The following IGSF9B variants were observed in gnomAD, a reference collection of about 807,000 sequenced individuals.
IGSF9B encodes protein turtle homolog B.
In IGSF9B, 48 loss-of-function variants were observed where a neutral mutation model predicts 143.7. The observed-to-expected ratio is 0.33, with a 90% CI of 0.26 to 0.42. IGSF9B has a LOEUF of 0.42. IGSF9B is among the 20% of genes least tolerant of loss of function. IGSF9B has a pLI of 1.00. For missense variants in IGSF9B, 1,706 were observed against 1,980.0 expected, an observed-to-expected ratio of 0.86 and a Z score of 2.63; for synonymous variants, 903 against 833.1, an observed-to-expected ratio of 1.08 and a Z score of -1.44.
chr11:133,946,927 C>A (rs1252962420), intron 1 of IGSF9B, among the ~76,000 whole-genome samples: 1 of 152,174 alleles, frequency 6.6e-6, no homozygotes, highest in African/African-American at 2.4e-5. Flanking sequence ...CTCCTCCCAG[C>A]ACAGTTCTGC....
rs185229187 is a variant in IGSF9B, at chr11:133,940,955, G to C, written c.410-2994C>G. 1.1e-3 allele frequency among the ~76,000 whole-genome samples: 168 copies of C among 152,146 alleles called. 2 individuals carry two copies. The highest frequency in any genetic ancestry group is 2.9e-3 in the South Asian group (14 of 4,814). On this transcript the variant is annotated intron_variant, in intron 3 of 19. Coordinates refer to ENST00000533871, the MANE Select transcript of IGSF9B (RefSeq NM_001277285.4). ...TCTCCGACACAGCCCCTGCCTGCCCGGCCTGCCCCTTGAAATACAGTGAAC... is the reference window on the plus strand; with the variant it reads ...TCTCCGACACAGCCCCTGCCTGCCCCGCCTGCCCCTTGAAATACAGTGAAC...
At position 133,937,969 on chromosome 11, in the gene IGSF9B, G is replaced by A. The variant is rs752433927; in HGVS notation, c.410-8C>T. Reference sequence around the variant, plus strand: ...CTGTAAAGGTGGGAGGGGCTGCAAAGGAGACCACAAAGATGAAGGACACGC... The same window carrying A: ...CTGTAAAGGTGGGAGGGGCTGCAAAAGAGACCACAAAGATGAAGGACACGC... On this transcript the variant is annotated splice_polypyrimidine_tract_variant and splice_region_variant and intron_variant, in intron 3 of 19. Transcript: ENST00000533871. The A allele has an allele frequency of 6.2e-7, 1 of 1,612,954 alleles. No individual in the cohort carries two copies. The highest frequency in any genetic ancestry group is 8.5e-7 in the Non-Finnish European group (1 of 1,179,442).
rs1004902494 is a variant in IGSF9B at position 133,896,639 on chromosome 11, T to G, written c.*12430A>C. ...TTGCTTATGCACGTGTTTGCTCATT[T>G]TGATTTGTAATTCAGGATATGAACA... is the stretch of plus-strand genomic sequence containing the variant. On this transcript the variant is annotated 3_prime_UTR_variant, in exon 20 of 20. Coordinates refer to ENST00000533871, the MANE Select transcript of IGSF9B (RefSeq NM_001277285.4). The G allele has an allele frequency of 6.6e-6, 1 of 152,228 alleles. No homozygotes were observed. Among genetic ancestry groups the G allele is most frequent in the African/African-American group, 2.4e-5 (1 of 41,454 alleles). 9.4% of individuals were successfully genotyped at this position (152,228 alleles called of 1,614,324 possible).
chr11:133,911,116 G>A (rs538920666), intron 19 of IGSF9B, among the ~76,000 whole-genome samples: 1 of 152,320 alleles, frequency 6.6e-6, no homozygotes, highest in East Asian at 1.9e-4. Flanking sequence ...GCTCTGCAAA[G>A]CAACTGTTCA....
At chr11:133,949,701 A>G (rs944403397) in intron 1 of IGSF9B, among the ~76,000 whole-genome samples, 3 of 147,792 alleles carry the variant, frequency 2.0e-5, no homozygotes, top group African/African-American at 7.5e-5. Flanking sequence ...GTGGGGGCAG[A>G]TGGAGACTGG....
intron 1 of IGSF9B, among the ~76,000 whole-genome samples, chr11:133,947,800 C>T (rs1209865675): frequency 2.0e-5 from 3 of 151,552 alleles, no homozygotes; most frequent in Admixed American, 6.6e-5. Context: ...GTCTGTCTGT[C>T]TCTCTCTAGC....
chr11:133,929,542 G>C (rs1292886982), intron 12 of IGSF9B, 129 bp downstream of exon 12: 2 of 670,110 alleles, frequency 3.0e-6, no homozygotes, highest in Non-Finnish European at 5.4e-6. Flanking sequence ...ACCTCAGTCT[G>C]TGCAGGGCTG....
intron 1 of IGSF9B, chr11:133,951,967 C>A (rs551934383): frequency 4.5e-6 from 2 of 443,838 alleles, no homozygotes; most frequent in Admixed American, 2.4e-5. Context: ...AAGTCACAGG[C>A]CCCCGCTCCA....
rs1939241249 is a variant in IGSF9B, at chr11:133,908,241, T to C, written c.*828A>G. Among the ~76,000 whole-genome samples the C allele has an allele frequency of 6.6e-6, 1 of 152,166 alleles. No homozygotes were observed. The highest frequency in any genetic ancestry group is 1.5e-5 in the Non-Finnish European group (1 of 68,030). ...TGAGCCACGCTGGAAGGAAGAAAGA[T>C]GCAGGTCTAGGAGCCTGGCCACCCC... On this transcript the variant is annotated 3_prime_UTR_variant, in exon 20 of 20. Coordinates refer to ENST00000533871, the MANE Select transcript of IGSF9B (RefSeq NM_001277285.4).
intron 1 of IGSF9B, among the ~76,000 whole-genome samples, chr11:133,954,029 A>T (rs1034080820): frequency 6.6e-6 from 1 of 152,220 alleles, no homozygotes; most frequent in Non-Finnish European, 1.5e-5. Context: ...CCTCTGCCAG[A>T]GCAGCCCCTG....
At chr11:133,918,338 CG>C (rs905463773) in intron 18 of IGSF9B, among the ~76,000 whole-genome samples, 1 of 152,076 alleles carries the variant, frequency 6.6e-6, no homozygotes, top group African/African-American at 2.4e-5. Flanking sequence ...TTACCAACAC[CG>C]GCCGGGGGGC....
intron 18 of IGSF9B, among the ~76,000 whole-genome samples, chr11:133,915,674 G>A (rs1263796865): frequency 6.6e-6 from 1 of 152,196 alleles, no homozygotes; most frequent in Non-Finnish European, 1.5e-5. Context: ...CAAAGTGGAG[G>A]CAAGCCTCAG....
At position 133,956,696 on chromosome 11, in the gene IGSF9B, G is replaced by A; in HGVS notation, c.59C>T (p.Ala20Val). ...ASVIGTRGLA[A>V]EGAHGLREEP... is the part of the protein sequence containing the mutation. ...GACGCCGCACTTCAACTCACCTTCAGCCGCAAGCCCTCGGGTGCCGATCAC... is the reference window on the plus strand; with the variant it reads ...GACGCCGCACTTCAACTCACCTTCAACCGCAAGCCCTCGGGTGCCGATCAC... Residue 20 changes from alanine to valine, a missense_variant, in exon 1 of 20, where the codon GCT (alanine) becomes GTT (valine). By Grantham distance (64) the Ala-to-Val change is moderately conservative (BLOSUM62 0). Transcript: ENST00000533871. 1.3e-6 allele frequency: 2 copies of A among 1,543,844 alleles called. No homozygotes were observed. The highest frequency in any genetic ancestry group is 1.7e-6 in the Non-Finnish European group (2 of 1,146,370).
chr11:133,919,192 C>CTGAGGAGGG, intron 18 of IGSF9B: 1 of 391,418 alleles, frequency 2.6e-6, no homozygotes, highest in Non-Finnish European at 5.1e-6. Flanking sequence ...CCAGGAGAGG[C>CTGAGGAGGG]TGAGGAGGGG....
rs953237647 is a variant in IGSF9B at position 133,909,316 on chromosome 11, C to T, written c.4106-39G>A. 1.6e-5 allele frequency: 24 copies of T among 1,486,470 alleles called. No homozygotes were observed. Among genetic ancestry groups the T allele is most frequent in the Admixed American group, 5.9e-5 (3 of 50,858 alleles). 92.1% of individuals were successfully genotyped at this position (1,486,470 alleles called of 1,614,324 possible). A position where few individuals can be genotyped will look rare whatever the true frequency, so the allele number is the denominator to read the frequency against. On this transcript the variant is annotated intron_variant, in intron 19 of 19. Transcript: ENST00000533871. The surrounding 1 kb of genome is among the most constrained non-coding windows in gnomAD (Gnocchi z 4.2). ...AAGAGGGACGCAAAAGAGAAGCAAG[C>T]GGATGAAAAGGAAGCACGCAGCCTG... is the stretch of plus-strand genomic sequence containing the variant.
intron 16 of IGSF9B, 60 bp from the exon 17 acceptor site, chr11:133,922,282 G>C: frequency 7.1e-7 from 1 of 1,416,618 alleles, no homozygotes; most frequent in Non-Finnish European, 9.8e-7. Context: ...CGCAGCACGC[G>C]CATCTGCAGA....
Position 133,905,543 on chromosome 11 carries a change from G to A in IGSF9B, c.*3526C>T, listed in dbSNP as rs980828682. ...ATCACAAATCAAAAATAAAGACAGA[G>A]AGCATGGAAAAATAACAAGAAATAC... On this transcript the variant is annotated 3_prime_UTR_variant, in exon 20 of 20. Coordinates refer to ENST00000533871, the MANE Select transcript of IGSF9B (RefSeq NM_001277285.4). The surrounding 1 kb of genome is among the most constrained non-coding windows in gnomAD (Gnocchi z 4.0). 3.3e-5 allele frequency among the ~76,000 whole-genome samples: 5 copies of A among 152,154 alleles called. No homozygotes were observed. The highest frequency in any genetic ancestry group is 3.3e-4 in the Admixed American group (5 of 15,268).
chr11:133,947,826 CTGTT>C (rs780587391), intron 1 of IGSF9B, among the ~76,000 whole-genome samples: 2 of 151,772 alleles, frequency 1.3e-5, no homozygotes, highest in African/African-American at 2.4e-5. Context: ...CTCTGGATCT[CTGTT>C]TGTCTGTCTG....
intron 12 of IGSF9B, 120 bp from the exon 13 acceptor site, chr11:133,927,211 C>A: frequency 1.2e-6 from 1 of 800,428 alleles, no homozygotes; most frequent in Non-Finnish European, 2.0e-6. Context: ...TTCCTAGGTT[C>A]AAGGGCAAGA....
Sources: gnomAD v4.1 joint callset for allele counts (sites outside exome capture counted in the v4.1 genomes callset) on GRCh38, gnomAD v4.1.1 for gene constraint, Gnocchi (gnomAD v3.1) non-coding constraint, MANE v1.5 for transcripts, NCBI Gene and HGNC (gene_info 2026-07-23, HGNC 2026-07-21) for gene names.